Variants in FGD5 observed in about 807,000 individuals in gnomAD.
The protein encoded by FGD5 is FYVE, RhoGEF and PH domain containing 5, also known as FYVE, RhoGEF and PH domain-containing protein 5.
In FGD5, 28 loss-of-function variants were observed where a neutral mutation model predicts 133.4. The observed-to-expected ratio is 0.21, with a 90% CI of 0.16 to 0.29. The LOEUF (loss-of-function observed/expected upper bound fraction) is 0.29. Ranked by LOEUF, FGD5 falls within the 10% of genes least tolerant of loss-of-function variation. FGD5 has a pLI of 1.00. For synonymous variants in FGD5, 810 were observed against 776.5 expected, an observed-to-expected ratio of 1.04 and a Z score of -0.72; for missense variants, 1,858 against 1,895.2, an observed-to-expected ratio of 0.98 and a Z score of 0.36.
chr3:14,933,004 T>C, intron 19 of FGD5, 127 bp from the exon 20 acceptor site: 1 of 1,175,652 alleles, frequency 8.5e-7, no homozygotes, highest in Non-Finnish European at 1.2e-6. Flanking sequence ...GAGAAACAAA[T>C]ACAATTACGA....
Position 14,820,728 on chromosome 3 carries a change from G to T in FGD5, c.1657G>T (p.Val553Leu), listed in dbSNP as rs61751585. 4 of 1,605,682 alleles carry T rather than the reference G, an allele frequency of 2.5e-6. No homozygotes were observed. The highest frequency in any genetic ancestry group is 3.4e-6 in the Non-Finnish European group (4 of 1,176,774). The change falls in exon 1 of 20, where the codon GTG (valine) becomes TTG (leucine). Residue 553 changes from valine (V) to leucine (L), a missense_variant. Val to Leu is a conservative substitution (Grantham distance 32). Coordinates refer to ENST00000285046, the MANE Select transcript of FGD5 (RefSeq NM_152536.4). Reference protein sequence around the residue: ...AFTLYPRSFSVEGREIPVSVY... With the variant: ...AFTLYPRSFSLEGREIPVSVY... The stretch of plus-strand genomic sequence containing the variant: ...TACTTTATACCCTCGGTCGTTCTCC[G>T]TGGAAGGCCGAGAGATTCCAGTGTC...
In FGD5 at chr3:14,917,254, C is replaced by A; in HGVS notation, c.3411C>A (p.Asn1137Lys). 1 of 1,613,262 alleles carries A rather than the reference C, an allele frequency of 6.2e-7. No homozygotes were observed. The highest frequency in any genetic ancestry group is 8.5e-7 in the Non-Finnish European group (1 of 1,179,640). The stretch of plus-strand genomic sequence containing the variant: ...TAGGGTTTCCCTCTCTCCAGATGAA[C>A]GATGTGCTCCTGTACACCTATCCCC... ...NRRPRHLFLM[N>K]DVLLYTYPQK... Residue 1137 changes from asparagine to lysine, a missense_variant, in exon 12 of 20, where the codon AAC becomes AAA. Asn to Lys is a moderately conservative substitution (Grantham distance 94, BLOSUM62 0). This residue lies in a region of FGD5 where 1,824 missense variants were observed against 1,848.9 expected (regional missense o/e 0.99). Transcript: ENST00000285046. This position sits in a 1 kb window ranked among gnomAD's most constrained non-coding sequence, Gnocchi z 4.1.
At position 14,922,951 on chromosome 3, in the gene FGD5, T is replaced by C; in HGVS notation, c.3808-95T>C. 6.4e-7 allele frequency: 1 copy of C among 1,555,512 alleles called. No individual in the cohort carries two copies. The highest frequency in any genetic ancestry group is 8.8e-7 in the Non-Finnish European group (1 of 1,136,626). ...AGAACCTGGGGCTCCCTAGGGGCAG[T>C]TGTGGGTGGATTAGCAGAGGGAGCG... On this transcript the variant is annotated intron_variant, in intron 15 of 19. Transcript: ENST00000285046. The surrounding 1 kb of genome is among the most constrained non-coding windows in gnomAD (Gnocchi z 4.1).
At position 14,820,303 on chromosome 3, in the gene FGD5, C is replaced by T. The variant is rs1490042655; in HGVS notation, c.1232C>T (p.Pro411Leu). Residue 411 changes from proline (P) to leucine (L), a missense_variant, in exon 1 of 20, where the codon CCT becomes CTT. By Grantham distance (98) the Pro-to-Leu change is moderately conservative. Coordinates refer to ENST00000285046, the MANE Select transcript of FGD5 (RefSeq NM_152536.4). ...GGAGCGGCCGAGGGTCCCGCAGCCC[C>T]TGATGTGGTGGTCGTGCTGGAGGAG... The part of the protein sequence containing the change: ...QGGAAEGPAA[P>L]DVVVVLEEEA... The T allele has an allele frequency of 3.7e-6, 6 of 1,607,438 alleles. No homozygotes were observed. The highest frequency in any genetic ancestry group is 4.3e-6 in the Non-Finnish European group (5 of 1,176,448).
At chr3:14,863,421 C>G (rs1376327069) in intron 1 of FGD5, among the ~76,000 whole-genome samples, 1 of 152,204 alleles carries the variant, frequency 6.6e-6, no homozygotes, top group African/African-American at 2.4e-5. Flanking sequence ...CTGCTTCACT[C>G]ACCAGTGTTT....
intron 1 of FGD5, among the ~76,000 whole-genome samples, chr3:14,847,498 T>C (rs2037072648): frequency 6.6e-6 from 1 of 152,206 alleles, no homozygotes. Context: ...ACTCAGAGTC[T>C]GTCCTGGTTG....
At chr3:14,832,964 G>A (rs1048379464) in intron 1 of FGD5, among the ~76,000 whole-genome samples, 1 of 152,194 alleles carries the variant, frequency 6.6e-6, no homozygotes, top group Non-Finnish European at 1.5e-5. Context: ...GGCTATGCTC[G>A]GGATTGGCCC....
intron 1 of FGD5, among the ~76,000 whole-genome samples, chr3:14,861,582 C>G (rs2037398521): frequency 6.6e-6 from 1 of 152,198 alleles, no homozygotes; most frequent in Non-Finnish European, 1.5e-5. Context: ...AGATTTGCCG[C>G]GTGACCTCGA....
In FGD5 at chr3:14,933,350, T is replaced by C; in HGVS notation, c.*183T>C. The C allele has an allele frequency of 3.1e-6, 2 of 655,594 alleles. No homozygotes were observed. The highest frequency in any genetic ancestry group is 5.5e-6 in the Non-Finnish European group (2 of 366,756). 40.6% of individuals were successfully genotyped at this position (655,594 alleles called of 1,614,324 possible). A position where few individuals can be genotyped will look rare whatever the true frequency, so the allele number is the denominator to read the frequency against. Reference sequence around the variant, plus strand: ...GCCAACATCTTCATGAATGGAATCCTTAAGGGATATTTATGGACCTCTCCT... The same window carrying C: ...GCCAACATCTTCATGAATGGAATCCCTAAGGGATATTTATGGACCTCTCCT... On this transcript the variant is annotated 3_prime_UTR_variant, in exon 20 of 20. Coordinates refer to ENST00000285046, the MANE Select transcript of FGD5 (RefSeq NM_152536.4).
intron 1 of FGD5, chr3:14,811,348 C>G (rs529095509): frequency 5.9e-5 from 9 of 152,332 alleles, no homozygotes; most frequent in Non-Finnish European, 1.2e-4. Flanking sequence ...CCCTTCAGTA[C>G]TCGGCATACC....
rs1206047761 is a variant in FGD5 at position 14,821,227 on chromosome 3, C to T, written c.2156C>T (p.Pro719Leu). 1.2e-6 allele frequency: 2 copies of T among 1,613,784 alleles called. No individual in the cohort carries two copies. Among genetic ancestry groups the T allele is most frequent in the Non-Finnish European group, 1.7e-6 (2 of 1,179,884 alleles). Residue 719 changes from proline (P) to leucine (L), a missense_variant, in exon 1 of 20, where the codon CCC becomes CTC. Physicochemically the swap from Pro to Leu is moderately conservative, Grantham distance 98. Coordinates refer to ENST00000285046, the MANE Select transcript of FGD5 (RefSeq NM_152536.4). The part of the protein sequence containing the change: ...RTGKLRASES[P>L]SSLIFYRDGK... ...GGGAAGCTCCGGGCTTCTGAATCCC[C>T]CTCCTCCCTCATCTTTTATAGAGAT... is the stretch of plus-strand genomic sequence containing the variant.
intron 1 of FGD5, among the ~76,000 whole-genome samples, chr3:14,857,068 A>C (rs2037295226): frequency 6.6e-6 from 1 of 152,142 alleles, no homozygotes; most frequent in African/African-American, 2.4e-5. Flanking sequence ...TAATTTATTG[A>C]GAGTTTTTAT....
intron 1 of FGD5, among the ~76,000 whole-genome samples, chr3:14,840,138 GTTTC>G (rs1277965740): frequency 4.2e-5 from 5 of 119,930 alleles, no homozygotes; most frequent in African/African-American, 1.7e-4. Context: ...TTACATTTAT[GTTTC>G]TTTCTTTTTT....
Position 14,819,952 on chromosome 3 carries a change from G to A in FGD5, c.881G>A (p.Ser294Asn). 1 of 1,613,956 alleles carries A rather than the reference G, an allele frequency of 6.2e-7. No individual in the cohort carries two copies. Residue 294 changes from serine (S) to asparagine (N), a missense_variant, in exon 1 of 20, where the codon AGT becomes AAT. This residue lies in a region of FGD5 where 1,824 missense variants were observed against 1,848.9 expected (regional missense o/e 0.99). Transcript: ENST00000285046. The surrounding 1 kb of genome is among the most constrained non-coding windows in gnomAD (Gnocchi z 4.1). ...GVTGGEQVDL[S>N]EPPDHEKKTN... Reference sequence around the variant, plus strand: ...ACAGGTGGGGAACAGGTTGACCTCAGTGAACCACCTGACCACGAGAAGAAA... The same window carrying A: ...ACAGGTGGGGAACAGGTTGACCTCAATGAACCACCTGACCACGAGAAGAAA...
At chr3:14,872,715 T>C (rs1228785858) in intron 2 of FGD5, among the ~76,000 whole-genome samples, 1 of 152,222 alleles carries the variant, frequency 6.6e-6, no homozygotes, top group Non-Finnish European at 1.5e-5. Flanking sequence ...TGGGGCGGCA[T>C]GAAGGCACTC....
At chr3:14,822,005 C>T (rs1348841147) in intron 1 of FGD5, among the ~76,000 whole-genome samples, 2 of 151,788 alleles carry the variant, frequency 1.3e-5, no homozygotes, top group African/African-American at 4.8e-5. Context: ...GAGGCTGAGG[C>T]AGGAGAATTG....
At chr3:14,833,428 A>G (rs962274329) in intron 1 of FGD5, among the ~76,000 whole-genome samples, 2 of 152,228 alleles carry the variant, frequency 1.3e-5, no homozygotes, top group Non-Finnish European at 2.9e-5. Flanking sequence ...AAACGATTCT[A>G]TCTTACAGAA....
chr3:14,814,114 C>T (rs770572178), upstream of FGD5, among the ~76,000 whole-genome samples: 11 of 152,124 alleles, frequency 7.2e-5, no homozygotes, highest in Non-Finnish European at 1.0e-4. Context: ...GAGGAGGGTC[C>T]GACCCCCAGG....
chr3:14,839,018 C>T (rs1328602411), intron 1 of FGD5, among the ~76,000 whole-genome samples: 1 of 152,130 alleles, frequency 6.6e-6, no homozygotes, highest in Non-Finnish European at 1.5e-5. Flanking sequence ...TTAGAAACAA[C>T]AGGAAGTTTA....
Sources: gnomAD v4.1 joint callset for allele counts (sites outside exome capture counted in the v4.1 genomes callset) on GRCh38, gnomAD v4.1.1 for gene constraint, gnomAD v4.1.1 regional missense constraint, Gnocchi (gnomAD v3.1) non-coding constraint, MANE v1.5 for transcripts, NCBI Gene and HGNC (gene_info 2026-07-23, HGNC 2026-07-21) for gene names.